The following MGRN1 variants were observed in gnomAD, a reference collection of about 807,000 sequenced individuals.
MGRN1 encodes the protein E3 ubiquitin-protein ligase MGRN1.
MGRN1 carries 29 observed loss-of-function variants against 69.2 expected under a neutral mutation model. The ratio of observed to expected loss-of-function variants is 0.42; its 90% confidence interval spans 0.31 to 0.57. MGRN1 has a LOEUF of 0.57. Among genes scored for constraint, MGRN1 ranks in the 20% least tolerant of loss-of-function variants. The pLI is 0.15. For synonymous variants in MGRN1, 470 were observed against 344.2 expected, an observed-to-expected ratio of 1.37 and a Z score of -4.04; for missense variants, 998 against 796.2, an observed-to-expected ratio of 1.25 and a Z score of -3.05.
At chr16:4,688,081 C>T in intron 16 of MGRN1, 3 of 985,570 alleles carry the variant, frequency 3.0e-6, no homozygotes, top group Non-Finnish European at 3.6e-6. Context: ...GCCGCGGCCC[C>T]CGAAGAAAAT....
chr16:4,686,213 C>T (rs755443885), intron 16 of MGRN1: 83 of 1,536,956 alleles, frequency 5.4e-5, no homozygotes, highest in East Asian at 1.7e-4. Flanking sequence ...GGCTGCTGCG[C>T]GCTTGCTAAC....
chr16:4,664,974 G>A (rs2078766893), intron 6 of MGRN1, 128 bp from the exon 7 acceptor site: 1 of 1,237,200 alleles, frequency 8.1e-7, no homozygotes, highest in Non-Finnish European at 1.2e-6. Context: ...CCCAGAACAG[G>A]CTCAGGACTC....
At chr16:4,660,496 C>A (rs994699363) in intron 5 of MGRN1, among the ~76,000 whole-genome samples, 2 of 152,222 alleles carry the variant, frequency 1.3e-5, no homozygotes, top group African/African-American at 2.4e-5. Context: ...GAAAAAAAAT[C>A]ACAGCTCACT....
chr16:4,688,680 G>A (rs1480428185), intron 16 of MGRN1, 116 bp from the exon 17 acceptor site: 20 of 1,447,602 alleles, frequency 1.4e-5, no homozygotes, highest in Non-Finnish European at 1.6e-5. Context: ...GGCCACAGGC[G>A]GCGGGAGTGG....
chr16:4,671,666 G>A (rs115274324), intron 9 of MGRN1, among the ~76,000 whole-genome samples: 132 of 152,294 alleles, frequency 8.7e-4, no homozygotes, highest in African/African-American at 3.1e-3. Flanking sequence ...AGCTTCTGAT[G>A]TAAATTGCCA....
intron 6 of MGRN1, 60 bp downstream of exon 6, chr16:4,664,835 T>A: frequency 6.3e-7 from 1 of 1,592,252 alleles, no homozygotes; most frequent in African/African-American, 1.3e-5. Context: ...GAAGCACGTC[T>A]TGAGGGAGGA....
rs1377257164 is a variant in MGRN1 at position 4,652,793 on chromosome 16, G to C, written c.412G>C (p.Ala138Pro). Residue 138 changes from alanine to proline, a missense_variant, in exon 4 of 17, where the codon GCA (alanine) becomes CCA (proline). Physicochemically the swap from Ala to Pro is conservative, Grantham distance 27. Transcript: ENST00000262370. ...ARVAITIYCQ[A>P]SEEFLNGRAV... Reference sequence around the variant, plus strand: ...CGTGGCCATCACCATCTACTGCCAGGCATCGGAGGAGTTCCTGAACGGCAG... The same window carrying C: ...CGTGGCCATCACCATCTACTGCCAGCCATCGGAGGAGTTCCTGAACGGCAG... 1 of 1,610,890 alleles carries C rather than the reference G, an allele frequency of 6.2e-7. No individual in the cohort carries two copies. Among genetic ancestry groups the C allele is most frequent in the Non-Finnish European group, 8.5e-7 (1 of 1,178,614 alleles).
At chr16:4,688,719 G>T (rs529676413) in intron 16 of MGRN1, 77 bp from the exon 17 acceptor site, 78 of 1,480,220 alleles carry the variant, frequency 5.3e-5, no homozygotes, top group Admixed American at 6.8e-5. Flanking sequence ...CCCCTCTGGG[G>T]CTCCAGATCG....
rs1247034831 is a variant in MGRN1 at position 4,690,745 on chromosome 16, C to G, written c.*1837C>G. 6.6e-6 allele frequency: 1 copy of G among 151,628 alleles called. No individual in the cohort carries two copies. The highest frequency in any genetic ancestry group is 2.4e-5 in the African/African-American group (1 of 41,220). The allele number at this position is 151,628 out of a possible 1,614,324, so 9.4% of individuals were successfully genotyped here. ...ACCCCACCCCAAGCACCTCTCTCCCCCCATGCACCTCTCCCCAACAACACA... is the reference window on the plus strand; with the variant it reads ...ACCCCACCCCAAGCACCTCTCTCCCGCCATGCACCTCTCCCCAACAACACA... On this transcript the variant is annotated 3_prime_UTR_variant, in exon 17 of 17. Transcript: ENST00000262370.
chr16:4,684,330 A>G (rs535354893), intron 16 of MGRN1, among the ~76,000 whole-genome samples: 4 of 152,340 alleles, frequency 2.6e-5, no homozygotes, highest in African/African-American at 9.6e-5. Context: ...TCCTGGTCCT[A>G]TCGTGGGCCC....
At chr16:4,640,349 A>C (rs2078131120) in intron 1 of MGRN1, 1 of 152,288 alleles carries the variant, frequency 6.6e-6, no homozygotes, top group African/African-American at 2.4e-5. Flanking sequence ...GCCTGGAGGC[A>C]TGTGTGGAGA....
chr16:4,651,823 C>CA, intron 2 of MGRN1, 140 bp from the exon 3 acceptor site: 1 of 730,944 alleles, frequency 1.4e-6, no homozygotes. Flanking sequence ...TAAATGAGAA[C>CA]AGTGCACCCA....
intron 5 of MGRN1, 83 bp from the exon 6 acceptor site, chr16:4,664,626 T>C (rs2078756880): frequency 1.6e-5 from 23 of 1,422,662 alleles, no homozygotes; most frequent in Non-Finnish European, 2.2e-5. Context: ...CTGCCTGCTT[T>C]GTCCAGCTCA....
Position 4,682,877 on chromosome 16 carries a change from C to A in MGRN1, c.1413C>A (p.Ser471=). The change falls in exon 14 of 17, where the codon TCC becomes TCA. Residue 471 remains serine, a synonymous_variant. Transcript: ENST00000262370. ...PIHEEDEEKL[S]EDVDAPPPLG... is the part of the protein sequence containing the mutation. ...ACGAAGAGGATGAGGAGAAGCTCTC[C>A]GAGGACGTGGACGCCCCTCCCCCAC... The A allele has an allele frequency of 1.2e-6, 2 of 1,610,140 alleles. No homozygotes were observed. Among genetic ancestry groups the A allele is most frequent in the Non-Finnish European group, 1.7e-6 (2 of 1,177,258 alleles).
chr16:4,639,022 T>G (rs1284032113), intron 1 of MGRN1, among the ~76,000 whole-genome samples: 1 of 152,150 alleles, frequency 6.6e-6, no homozygotes, highest in African/African-American at 2.4e-5. Flanking sequence ...TGAGAATGTC[T>G]CTCACTGGTT....
Position 4,650,351 on chromosome 16 carries a change from C to A in MGRN1, c.89-14C>A. On this transcript the variant is annotated splice_polypyrimidine_tract_variant and intron_variant, in intron 1 of 16. Transcript: ENST00000262370. ...AAAAAAAAAATCTATAATCGTGTTT[C>A]CTTTTTTAAACAGGAAACTACTTTG... 5 of 1,537,068 alleles carry A rather than the reference C, an allele frequency of 3.3e-6. No individual in the cohort carries two copies. The highest frequency in any genetic ancestry group is 4.4e-6 in the Non-Finnish European group (5 of 1,125,746).
chr16:4,656,298 C>G (rs566540574), intron 4 of MGRN1, among the ~76,000 whole-genome samples: 9 of 152,312 alleles, frequency 5.9e-5, no homozygotes, highest in Non-Finnish European at 1.2e-4. Context: ...TGCTGGTGTC[C>G]CCCAGGGGCC....
chr16:4,684,634 C>G (rs1245471355), intron 16 of MGRN1, among the ~76,000 whole-genome samples: 1 of 152,258 alleles, frequency 6.6e-6, no homozygotes, highest in African/African-American at 2.4e-5. Flanking sequence ...GGCTCGGGCC[C>G]CAGACCCCAT....
At chr16:4,636,532 T>C (rs572912715) in intron 1 of MGRN1, among the ~76,000 whole-genome samples, 4 of 151,758 alleles carry the variant, frequency 2.6e-5, no homozygotes, top group Admixed American at 6.6e-5. Context: ...ATGCCTGGAG[T>C]GGACTTGTTG....
Sources: gnomAD v4.1 joint callset for allele counts (sites outside exome capture counted in the v4.1 genomes callset) on GRCh38, gnomAD v4.1.1 for gene constraint, MANE v1.5 for transcripts, NCBI Gene and HGNC (gene_info 2026-07-23, HGNC 2026-07-21) for gene names.